The following ECPAS variants were observed in gnomAD, a reference collection of about 807,000 sequenced individuals.
ECPAS encodes proteasome adapter and scaffold protein ECM29.
In ECPAS, 70 loss-of-function variants were observed where a neutral mutation model predicts 255.1. That is an observed-to-expected ratio of 0.27 (90% CI 0.23 to 0.33). ECPAS has a LOEUF of 0.33. Ranked by LOEUF, ECPAS falls within the 10% of genes least tolerant of loss-of-function variation. The pLI, the probability that ECPAS is intolerant of heterozygous loss-of-function variation, is 1.00. For synonymous variants in ECPAS, 784 were observed against 775.0 expected (o/e 1.01, Z -0.19); for missense variants, 1,817 against 2,206.4 (o/e 0.82, Z 3.54).
At chr9:111,420,166 G>T in intron 15 of ECPAS, 46 bp from the exon 16 acceptor site, 1 of 1,228,622 alleles carries the variant, frequency 8.1e-7, no homozygotes, top group Non-Finnish European at 1.2e-6. Context: ...TCCGAAAAAG[G>T]AAAAAAAAAA....
chr9:111,425,347 A>G, intron 12 of ECPAS, 71 bp downstream of exon 12: 1 of 996,370 alleles, frequency 1.0e-6, no homozygotes, highest in East Asian at 2.7e-5. Context: ...CTACATTGAC[A>G]GACCAGAAAT....
chr9:111,417,008 C>T (rs1446280245), intron 17 of ECPAS, among the ~76,000 whole-genome samples: 2 of 152,126 alleles, frequency 1.3e-5, no homozygotes, highest in African/African-American at 4.8e-5. Flanking sequence ...ACTTACACTA[C>T]CCTAAAGCGT....
chr9:111,443,779 A>C lies in ECPAS; in HGVS notation c.270+599T>G, dbSNP rs1300776618. ...GGTAAGATTCAATCGATTCTGCCTCAGTGCTAGGAACTACAAGGACCAGGA... is the reference window on the plus strand; with the variant it reads ...GGTAAGATTCAATCGATTCTGCCTCCGTGCTAGGAACTACAAGGACCAGGA... On this transcript the variant is annotated intron_variant, in intron 4 of 49. Transcript: ENST00000684092. Among the ~76,000 whole-genome samples, 4 of 152,296 alleles carry C rather than the reference A, an allele frequency of 2.6e-5. No homozygotes were observed. In the East Asian group the frequency reaches 7.7e-4, roughly 29 times the overall value.
At chr9:111,461,281 G>A (rs2098272746) in intron 2 of ECPAS, among the ~76,000 whole-genome samples, 1 of 149,018 alleles carries the variant, frequency 6.7e-6, no homozygotes, top group African/African-American at 2.5e-5. Flanking sequence ...GCAACATGGT[G>A]AAACCCCATC....
chr9:111,418,426 T>C (rs897148808), intron 16 of ECPAS, among the ~76,000 whole-genome samples: 6 of 136,378 alleles, frequency 4.4e-5, no homozygotes, highest in African/African-American at 2.0e-4. Context: ...TCTGTACAAC[T>C]AATAACTCAT....
At position 111,455,629 on chromosome 9, in the gene ECPAS, T is replaced by C. The variant is rs370327291; in HGVS notation, c.23-4074A>G. ...TTGTGCCTGTCTGTGCAAATAATAT[T>C]GTTTATGCTGAACATCAGCTTCCCT... On this transcript the variant is annotated intron_variant, in intron 2 of 49. Coordinates refer to ENST00000684092, the MANE Select transcript of ECPAS (RefSeq NM_001364929.1). 5.9e-5 allele frequency among the ~76,000 whole-genome samples: 9 copies of C among 152,214 alleles called. No homozygotes were observed. The East Asian group carries it at 7.7e-4, about 13-fold the overall frequency.
chr9:111,457,386 G>A (rs765194952), intron 2 of ECPAS, among the ~76,000 whole-genome samples: 3 of 151,842 alleles, frequency 2.0e-5, no homozygotes, highest in Non-Finnish European at 4.4e-5. Flanking sequence ...AACTGAAGAG[G>A]GAAAAAATTA....
chr9:111,411,057 T>C lies in ECPAS; in HGVS notation c.2300A>G (p.Glu767Gly). Residue 767 changes from glutamate to glycine, a missense_variant, in exon 22 of 50, where the codon GAG (glutamate) becomes GGG (glycine). Coordinates refer to ENST00000684092, the MANE Select transcript of ECPAS (RefSeq NM_001364929.1). ...AGCATTTCTCTCCAGGTCTTGTTGC[T>C]CTGACATTCTCATTTTCTTTTTAGC... The part of the protein sequence containing the change: ...YLAKKKMRMS[E>G]QQDLERNADT... 6.2e-7 allele frequency: 1 copy of C among 1,613,952 alleles called. No individual in the cohort carries two copies. The highest frequency in any genetic ancestry group is 8.5e-7 in the Non-Finnish European group (1 of 1,179,850).
chr9:111,444,268 G>T, intron 4 of ECPAS, 110 bp downstream of exon 4: 1 of 635,872 alleles, frequency 1.6e-6, no homozygotes, highest in African/African-American at 1.9e-5. Context: ...GTTTCATTTA[G>T]AAGTGGTCTA....
chr9:111,397,254 T>G, intron 24 of ECPAS, 101 bp from the exon 25 acceptor site: 1 of 1,443,838 alleles, frequency 6.9e-7, no homozygotes, highest in Non-Finnish European at 9.4e-7. Flanking sequence ...TGAGCATGTT[T>G]TGTTTTCACT....
At chr9:111,472,640 C>CAA (rs1311352345) in intron 2 of ECPAS, among the ~76,000 whole-genome samples, 46 of 84,706 alleles carry the variant, frequency 5.4e-4, no homozygotes, top group African/African-American at 1.8e-3. Context: ...ACACTGTCTC[C>CAA]AAAAAAAAAA....
In ECPAS at chr9:111,408,687, A is replaced by G. The variant is rs2098189011; in HGVS notation, c.2551-15T>C. Reference sequence around the variant, plus strand: ...CGTTCTTTCATCTGGAAGAACACCAAATTTTTTTCTTTTAAACAGAGTATA... The same window carrying G: ...CGTTCTTTCATCTGGAAGAACACCAGATTTTTTTCTTTTAAACAGAGTATA... On this transcript the variant is annotated splice_polypyrimidine_tract_variant and intron_variant, in intron 23 of 49. Transcript: ENST00000684092. 1 of 1,516,346 alleles carries G rather than the reference A, an allele frequency of 6.6e-7. No homozygotes were observed. The highest frequency in any genetic ancestry group is 8.9e-7 in the Non-Finnish European group (1 of 1,126,422). The allele number at this position is 1,516,346 out of a possible 1,614,324, so 93.9% of individuals were successfully genotyped here.
At position 111,389,964 on chromosome 9, in the gene ECPAS, G is replaced by GTGTGCTA. The variant is rs1395353480; in HGVS notation, c.3279+19_3279+20insTAGCACA. 1 of 1,471,060 alleles carries GTGTGCTA rather than the reference G, an allele frequency of 6.8e-7. No homozygotes were observed. Among genetic ancestry groups the GTGTGCTA allele is most frequent in the East Asian group, 2.3e-5 (1 of 42,988 alleles). 91.1% of individuals were successfully genotyped at this position (1,471,060 alleles called of 1,614,324 possible). ...GTTTGCATGAAAAAAATAAATAATT[G>GTGTGCTA]TCCAGTGATAGCAACTTACCTTCCT... On this transcript the variant is annotated intron_variant, in intron 30 of 49. Coordinates refer to ENST00000684092, the MANE Select transcript of ECPAS (RefSeq NM_001364929.1).
At chr9:111,378,471 A>G (rs757837632) in intron 36 of ECPAS, 109 bp downstream of exon 36, 2 of 1,106,170 alleles carry the variant, frequency 1.8e-6, no homozygotes, top group Non-Finnish European at 2.5e-6. Flanking sequence ...GTGGTGACAG[A>G]GGGTGAGTTC....
intron 28 of ECPAS, among the ~76,000 whole-genome samples, chr9:111,392,146 G>A (rs1269316068): frequency 2.0e-5 from 3 of 152,046 alleles, no homozygotes; most frequent in Admixed American, 6.6e-5. Flanking sequence ...AGGCTGAGGC[G>A]GGAGAGTCAC....
At chr9:111,426,500 C>T (rs1352601369) in intron 10 of ECPAS, among the ~76,000 whole-genome samples, 6 of 151,674 alleles carry the variant, frequency 4.0e-5, no homozygotes, top group Admixed American at 6.6e-5. Flanking sequence ...GTGCTAGGTA[C>T]TAAGAGATAT....
intron 25 of ECPAS, 150 bp from the exon 26 acceptor site, chr9:111,394,455 A>G: frequency 1.5e-6 from 1 of 659,460 alleles, no homozygotes; most frequent in Non-Finnish European, 2.3e-6. Context: ...GAAGGAATCA[A>G]TAATTATCCA....
chr9:111,467,385 T>C (rs1017661971), intron 2 of ECPAS, among the ~76,000 whole-genome samples: 1 of 152,228 alleles, frequency 6.6e-6, no homozygotes, highest in African/African-American at 2.4e-5. Flanking sequence ...GGCAATGTTA[T>C]CCCTGTTTGG....
At chr9:111,478,451 C>T (rs1017339378) in intron 1 of ECPAS, among the ~76,000 whole-genome samples, 4 of 152,034 alleles carry the variant, frequency 2.6e-5, no homozygotes, top group Non-Finnish European at 4.4e-5. Flanking sequence ...CGCTTGAACC[C>T]AGAAGGCAGA....
Sources: allele counts gnomAD v4.1 joint callset (sites outside exome capture counted in the v4.1 genomes callset), GRCh38; gene constraint gnomAD v4.1.1; transcripts MANE v1.5; gene names NCBI Gene and HGNC (gene_info 2026-07-23, HGNC 2026-07-21).